CENPI: variants seen among roughly 807,000 people sequenced by gnomAD.
CENPI encodes the protein FSH primary response 1.
In CENPI, 4 loss-of-function variants were observed where a neutral mutation model predicts 60.4. The ratio of observed to expected loss-of-function variants is 0.07; its 90% CI spans 0.03 to 0.15. The LOEUF is 0.15. Ranked by LOEUF, CENPI falls within the 10% of genes least tolerant of loss-of-function variation. The pLI is 1.00. For synonymous variants in CENPI, 157 were observed against 189.4 expected (o/e 0.83, Z 1.40); for missense variants, 444 against 534.5 (o/e 0.83, Z 1.67).
the CENPI span, among the ~76,000 whole-genome samples, chrX:101,176,648 G>T: frequency 8.9e-6 from 1 of 112,056 alleles, no homozygotes; most frequent in African/African-American, 3.2e-5. Flanking sequence ...TAAGTTGTTT[G>T]AGTTCCTTGT....
chrX:101,121,130 C>G (rs1348858287), intron 8 of CENPI, among the ~76,000 whole-genome samples: 1 of 110,839 alleles, frequency 9.0e-6, no homozygotes, highest in East Asian at 2.8e-4. Context: ...CCCGCCTCGG[C>G]CTCCCAAGGT....
chrX:101,169,034 TTTAA>T (rs2090150842), downstream of CENPI, among the ~76,000 whole-genome samples: 1 of 111,849 alleles, frequency 8.9e-6, no homozygotes, highest in East Asian at 2.8e-4. Context: ...AGCAACTATG[TTTAA>T]TTAAAGGGAG....
At chrX:101,126,494 TC>T (rs2089737066) in intron 8 of CENPI, among the ~76,000 whole-genome samples, 1 of 111,455 alleles carries the variant, frequency 9.0e-6, no homozygotes, top group Admixed American at 9.6e-5. Flanking sequence ...TTGGAAAAGG[TC>T]CTAAGAGAGA....
At chrX:101,174,934 C>A in the CENPI span, among the ~76,000 whole-genome samples, 1 of 111,104 alleles carries the variant, frequency 9.0e-6, no homozygotes, top group East Asian at 2.8e-4. Context: ...AAGGAGAAAC[C>A]CCGTCTCTAC....
intron 8 of CENPI, among the ~76,000 whole-genome samples, chrX:101,122,172 C>T (rs767768561): frequency 1.8e-5 from 2 of 111,779 alleles, no homozygotes; most frequent in South Asian, 7.4e-4. Flanking sequence ...ACTGTTATCT[C>T]TGGTCCTTAC....
chrX:101,103,342 T>C (rs1345390904), intron 4 of CENPI, among the ~76,000 whole-genome samples: 1 of 109,679 alleles, frequency 9.1e-6, no homozygotes, highest in East Asian at 2.9e-4. Context: ...TTTTAGACTT[T>C]GTTTATTTAT....
the CENPI span, among the ~76,000 whole-genome samples, chrX:101,178,402 T>TCTTC: frequency 1.9e-5 from 1 of 52,011 alleles, no homozygotes; most frequent in African/African-American, 9.5e-5. Flanking sequence ...CTTCTTCTTT[T>TCTTC]TTTTTTTTTT....
intron 20 of CENPI, among the ~76,000 whole-genome samples, chrX:101,157,774 A>G (rs779612091): frequency 2.7e-5 from 3 of 110,073 alleles, no homozygotes; most frequent in South Asian, 7.8e-4. Flanking sequence ...TGGGATATCT[A>G]TCAACTCAAA....
rs1425666555 is a variant in CENPI at position 101,162,712 on chromosome X, C to G, written c.2137-121C>G. 4 of 741,204 alleles carry G rather than the reference C, an allele frequency of 5.4e-6. No homozygotes were observed. In the East Asian group the frequency reaches 1.0e-4, roughly 19 times the overall value. The allele number at this position is 741,204 out of a possible 1,213,427, so 61.1% of individuals were successfully genotyped here. A position where few individuals can be genotyped will look rare whatever the true frequency, so the allele number is the denominator to read the frequency against. On this transcript the variant is annotated intron_variant, in intron 21 of 21. Transcript: ENST00000682095. ...TTAGTGACTGAGCTCATTTCCCCCC[C>G]GAACTAATTTTGATATGTGCATGCG...
chrX:101,140,682 G>A lies in CENPI; in HGVS notation c.1487G>A (p.Ser496Asn). Reference sequence around the variant, plus strand: ...CCCCCTCAGTGTAGTGTGCTTCAGAGTCTGAAAGAGCTATTGCAGAATTGG... The same window carrying A: ...CCCCCTCAGTGTAGTGTGCTTCAGAATCTGAAAGAGCTATTGCAGAATTGG... ...TIYFKCSVLQ[S>N]LKELLQNWLL... The change falls in exon 16 of 22, where the codon AGT (serine) becomes AAT (asparagine). Residue 496 changes from serine (S) to asparagine (N), a missense_variant. Physicochemically the swap from Ser to Asn is conservative, Grantham distance 46 (BLOSUM62 1). Transcript: ENST00000682095. 8.3e-7 allele frequency: 1 copy of A among 1,198,997 alleles called. No individual in the cohort carries two copies. Among genetic ancestry groups the A allele is most frequent in the Non-Finnish European group, 1.1e-6 (1 of 884,010 alleles).
At chrX:101,135,824 G>A (rs1024453754) in intron 15 of CENPI, among the ~76,000 whole-genome samples, 3 of 111,349 alleles carry the variant, frequency 2.7e-5, no homozygotes, top group Non-Finnish European at 3.8e-5. Context: ...GGGTTCAAGC[G>A]ATTCTCTTGA....
Position 101,120,443 on chromosome X carries a change from A to G in CENPI, c.633A>G (p.Lys211=). 1 of 962,302 alleles carries G rather than the reference A, an allele frequency of 1.0e-6. No individual in the cohort carries two copies. The allele number at this position is 962,302 out of a possible 1,213,427, so 79.3% of individuals were successfully genotyped here. The change falls in exon 7 of 22, where the codon AAA becomes AAG. Residue 211 remains lysine, a synonymous_variant. Transcript: ENST00000682095. ...ATTTGTTATATTTACTTACCAAAAA[A>G]GAGAATGGTGAGTATTTTCATTACA... ...VCHLLYLLTK[K]ENVKPFRVRK...
rs750489025 is a variant in CENPI, at chrX:101,101,043, C to T, written c.-13-15C>T. ...TTGGCTGATTAATGATAACTTAACA[C>T]TTGTTTCTGTGTAGAACATATGCAG... On this transcript the variant is annotated splice_polypyrimidine_tract_variant and intron_variant, in intron 2 of 21. Coordinates refer to ENST00000682095, the MANE Select transcript of CENPI (RefSeq NM_001386188.2). 7 of 1,114,439 alleles carry T rather than the reference C, an allele frequency of 6.3e-6. No individual in the cohort carries two copies. In the Admixed American group the frequency reaches 6.7e-5, roughly 11 times the overall value. The allele number at this position is 1,114,439 out of a possible 1,213,427, so 91.8% of individuals were successfully genotyped here. A position where few individuals can be genotyped will look rare whatever the true frequency, so the allele number is the denominator to read the frequency against.
chrX:101,117,822 T>G, intron 6 of CENPI, among the ~76,000 whole-genome samples: 1 of 112,357 alleles, frequency 8.9e-6, no homozygotes, highest in Admixed American at 9.5e-5. Context: ...GTGAGAAAGC[T>G]TGTTCAATAT....
the CENPI span, among the ~76,000 whole-genome samples, chrX:101,175,454 G>A: frequency 8.9e-6 from 1 of 112,122 alleles, no homozygotes; most frequent in Non-Finnish European, 1.9e-5. Flanking sequence ...TCCATGGATG[G>A]GAAGAAAATA....
the CENPI span, among the ~76,000 whole-genome samples, chrX:101,174,367 CGT>C: frequency 6.3e-5 from 7 of 111,908 alleles, no homozygotes; most frequent in Admixed American, 1.9e-4. Context: ...CACATGCACT[CGT>C]GTGTTCATTG....
chrX:101,122,948 TA>T (rs764220354), intron 8 of CENPI, among the ~76,000 whole-genome samples: 1 of 112,793 alleles, frequency 8.9e-6, no homozygotes, highest in African/African-American at 3.2e-5. Flanking sequence ...TATGTTCAAG[TA>T]AAAAATGATT....
intron 21 of CENPI, 71 bp downstream of exon 21, chrX:101,161,640 T>C: frequency 2.0e-6 from 2 of 993,149 alleles, no homozygotes; most frequent in Non-Finnish European, 2.8e-6. Context: ...ATTTATACTT[T>C]TCCTTTTTTC....
chrX:101,167,055 A>AT (rs1232006349), downstream of CENPI, among the ~76,000 whole-genome samples: 2 of 112,327 alleles, frequency 1.8e-5, no homozygotes, highest in Non-Finnish European at 3.8e-5. Context: ...CACCCGGCCC[A>AT]TTTTTTTCCT....
Sources: gnomAD v4.1 joint callset for allele counts (sites outside exome capture counted in the v4.1 genomes callset) on GRCh38, gnomAD v4.1.1 for gene constraint, MANE v1.5 for transcripts, NCBI Gene and HGNC (gene_info 2026-07-23, HGNC 2026-07-21) for gene names.